The following PLG variants were observed in gnomAD, a reference collection of about 807,000 sequenced individuals.
PLG encodes the protein plasmin.
Under a neutral mutation model 104.4 loss-of-function variants are expected in PLG, and 41 were observed. The ratio of observed to expected loss-of-function variants is 0.39; its 90% CI spans 0.31 to 0.51. The LOEUF (loss-of-function observed/expected upper bound fraction) is 0.51, where lower values mean the gene tolerates loss of function less well. Among genes scored for constraint, PLG ranks in the 20% least tolerant of loss-of-function variants. The probability of loss-of-function intolerance (pLI) is 0.76; values close to 1 mark genes in which losing one functional copy is unlikely to be tolerated. For missense variants in PLG, 891 were observed against 1,003.6 expected, an observed-to-expected ratio of 0.89 and a Z score of 1.52; for synonymous variants, 337 against 357.1, an observed-to-expected ratio of 0.94 and a Z score of 0.63.
chr6:160,747,503 C>T (rs1465944433), intron 17 of PLG, among the ~76,000 whole-genome samples: 1 of 152,180 alleles, frequency 6.6e-6, no homozygotes, highest in East Asian at 1.9e-4. Flanking sequence ...CTAGATAGAC[C>T]TGGACTAGGC....
At chr6:160,706,213 C>G (rs1179245266) in intron 1 of PLG, 194 bp from the exon 2 acceptor site, 3 of 713,182 alleles carry the variant, frequency 4.2e-6, no homozygotes, top group African/African-American at 3.6e-5. Context: ...TAGTTGCCAT[C>G]TTTATTTATG....
rs1778167944 is a variant in PLG at position 160,740,286 on chromosome 6, T to C, written c.2019-1025T>C. 1.3e-5 allele frequency among the ~76,000 whole-genome samples: 2 copies of C among 152,190 alleles called. No individual in the cohort carries two copies. The highest frequency in any genetic ancestry group is 6.5e-5 in the Admixed American group (1 of 15,274). ...CTTTATAAACAGTAGCTGATCTCCC[T>C]CCTGCTCCCCAGTGTCCTCCCCGCC... On this transcript the variant is annotated intron_variant, in intron 16 of 18. Coordinates refer to ENST00000308192, the MANE Select transcript of PLG (RefSeq NM_000301.5). The surrounding 1 kb of genome is among the most constrained non-coding windows in gnomAD (Gnocchi z 5.2).
At chr6:160,721,552 A>C (rs943607329) in intron 9 of PLG, among the ~76,000 whole-genome samples, 4 of 152,166 alleles carry the variant, frequency 2.6e-5, no homozygotes, top group African/African-American at 9.7e-5. Context: ...CCGTGTTCCT[A>C]TCCATTCCCA....
In PLG at chr6:160,711,605, C is replaced by G. The variant is rs867590192; in HGVS notation, c.407+414C>G. 8 of 1,609,582 alleles carry G rather than the reference C, an allele frequency of 5.0e-6. No homozygotes were observed. The East Asian group carries it at 1.8e-4, about 36-fold the overall frequency. ...CAGATAGAAAGAATCTTTTTGATGT[C>G]GATGTTCAACTATTTTTGGCACCAT... is the stretch of plus-strand genomic sequence containing the variant. On this transcript the variant is annotated intron_variant, in intron 4 of 18. Transcript: ENST00000308192.
At chr6:160,721,532 A>G (rs1433772280) in intron 9 of PLG, among the ~76,000 whole-genome samples, 1 of 152,202 alleles carries the variant, frequency 6.6e-6, no homozygotes, top group Non-Finnish European at 1.5e-5. Flanking sequence ...GGGGTGCTAA[A>G]GAGTTTTCTC....
Position 160,741,892 on chromosome 6 carries a change from T to G in PLG, c.2125+475T>G, listed in dbSNP as rs1778202404. On this transcript the variant is annotated intron_variant, in intron 17 of 18. Coordinates refer to ENST00000308192, the MANE Select transcript of PLG (RefSeq NM_000301.5). The surrounding 1 kb of genome is among the most constrained non-coding windows in gnomAD (Gnocchi z 4.7). Reference sequence around the variant, plus strand: ...GAGTTCTCATCACTTAGCTCCCACTTATAACTGTGAACATGTGGTATTTGG... The same window carrying G: ...GAGTTCTCATCACTTAGCTCCCACTGATAACTGTGAACATGTGGTATTTGG... Among the ~76,000 whole-genome samples the G allele has an allele frequency of 6.6e-6, 1 of 152,172 alleles. No homozygotes were observed. Among genetic ancestry groups the G allele is most frequent in the Admixed American group, 6.5e-5 (1 of 15,284 alleles).
chr6:160,729,693 G>A (rs1777968707), intron 10 of PLG, among the ~76,000 whole-genome samples: 2 of 152,196 alleles, frequency 1.3e-5, no homozygotes, highest in Non-Finnish European at 2.9e-5. Context: ...AATCTTTAGT[G>A]AAGGAAACCA....
chr6:160,726,078 C>G lies in PLG; in HGVS notation c.1256+3511C>G, dbSNP rs1777915894. ...TAATAGAAAAAATACACAAAAAAAT[C>G]AGAAAGAATATATATGTTTTAAAGG... On this transcript the variant is annotated intron_variant, in intron 10 of 18. Transcript: ENST00000308192. The surrounding 1 kb of genome is among the most constrained non-coding windows in gnomAD (Gnocchi z 4.4). Among the ~76,000 whole-genome samples, 1 of 151,998 alleles carries G rather than the reference C, an allele frequency of 6.6e-6. No homozygotes were observed. Among genetic ancestry groups the G allele is most frequent in the Non-Finnish European group, 1.5e-5 (1 of 67,940 alleles).
At chr6:160,706,667 T>A in intron 2 of PLG, 125 bp downstream of exon 2, 4 of 958,802 alleles carry the variant, frequency 4.2e-6, no homozygotes, top group Non-Finnish European at 6.5e-6. Context: ...GGAACTATAT[T>A]TGCTCACAGT....
In PLG at chr6:160,741,533, C is replaced by G. The variant is rs1183813590; in HGVS notation, c.2125+116C>G. The G allele has an allele frequency of 1.3e-6, 1 of 767,388 alleles. No individual in the cohort carries two copies. The highest frequency in any genetic ancestry group is 2.7e-5 in the East Asian group (1 of 37,014). The allele number at this position is 767,388 out of a possible 1,614,324, so 47.5% of individuals were successfully genotyped here. A position where few individuals can be genotyped will look rare whatever the true frequency, so the allele number is the denominator to read the frequency against. On this transcript the variant is annotated intron_variant, in intron 17 of 18. Coordinates refer to ENST00000308192, the MANE Select transcript of PLG (RefSeq NM_000301.5). The surrounding 1 kb of genome is among the most constrained non-coding windows in gnomAD (Gnocchi z 4.7). ...TCCTATCCATGAATGTGGTCCACCC[C>G]ACTCCTGATTTTGCCTGGGCACCTG...
intron 17 of PLG, among the ~76,000 whole-genome samples, chr6:160,742,317 T>C (rs1778209304): frequency 6.6e-6 from 1 of 152,220 alleles, no homozygotes; most frequent in Non-Finnish European, 1.5e-5. Flanking sequence ...TGCCAGCATC[T>C]GTTATTTTTT....
intron 10 of PLG, among the ~76,000 whole-genome samples, chr6:160,722,857 C>T (rs969943321): frequency 1.3e-5 from 2 of 152,102 alleles, no homozygotes; most frequent in African/African-American, 4.8e-5. Context: ...TGCTTAGAAA[C>T]AGTACCATTC....
rs1056943393 is a variant in PLG, at chr6:160,725,552, G to A, written c.1256+2985G>A. Among the ~76,000 whole-genome samples, 3 of 151,846 alleles carry A rather than the reference G, an allele frequency of 2.0e-5. No individual in the cohort carries two copies. Among genetic ancestry groups the A allele is most frequent in the African/African-American group, 7.3e-5 (3 of 41,344 alleles). The stretch of plus-strand genomic sequence containing the variant: ...AAGAAAAAAGAATGAAGAAGATATG[G>A]CAAAGAGAGAAAATACACAGCATTA... On this transcript the variant is annotated intron_variant, in intron 10 of 18. Transcript: ENST00000308192. The surrounding 1 kb of genome is among the most constrained non-coding windows in gnomAD (Gnocchi z 6.3).
At chr6:160,707,169 G>C (rs1777542617) in intron 2 of PLG, among the ~76,000 whole-genome samples, 1 of 152,104 alleles carries the variant, frequency 6.6e-6, no homozygotes, top group South Asian at 2.1e-4. Flanking sequence ...GGACCATTAA[G>C]AGATGAAGTT....
intron 3 of PLG, among the ~76,000 whole-genome samples, chr6:160,710,795 A>G (rs747639712): frequency 2.0e-5 from 3 of 152,200 alleles, no homozygotes; most frequent in Admixed American, 6.5e-5. Context: ...ACTAGAATGT[A>G]AGCTCCATGA....
chr6:160,752,644 CACCAACA>C lies in PLG; in HGVS notation c.2272-255_2272-249del, dbSNP rs1327187571. Among the ~76,000 whole-genome samples the C allele has an allele frequency of 2.0e-5, 3 of 152,162 alleles. No homozygotes were observed. Among genetic ancestry groups the C allele is most frequent in the Non-Finnish European group, 4.4e-5 (3 of 68,026 alleles). On this transcript the variant is annotated intron_variant, in intron 18 of 18. Coordinates refer to ENST00000308192, the MANE Select transcript of PLG (RefSeq NM_000301.5). The surrounding 1 kb of genome is among the most constrained non-coding windows in gnomAD (Gnocchi z 4.7). The stretch of plus-strand genomic sequence containing the variant: ...CCAGGCTAGCCCAGTCTAAAGGAAA[CACCAACA>C]TAGGAAGGGATGTGTGCAGGATTCA...
chr6:160,720,773 C>A (rs1777817038), intron 9 of PLG, among the ~76,000 whole-genome samples: 1 of 152,104 alleles, frequency 6.6e-6, no homozygotes, highest in East Asian at 1.9e-4. Context: ...TCTGTTCAAA[C>A]GTTTCTTTTT....
intron 3 of PLG, among the ~76,000 whole-genome samples, chr6:160,709,154 C>T (rs1777588167): frequency 6.6e-6 from 1 of 152,060 alleles, no homozygotes; most frequent in African/African-American, 2.4e-5. Flanking sequence ...GTTATATAAA[C>T]TCTGATGGGT....
rs9458020 is a variant in PLG, at chr6:160,735,264, C to T, written c.1681+1176C>T. 0.21 allele frequency among the ~76,000 whole-genome samples: 32,056 copies of T among 152,042 alleles called. 3,992 individuals carry two copies. Among genetic ancestry groups the T allele is most frequent in the Non-Finnish European group, 0.29 (19,742 of 67,958 alleles). On this transcript the variant is annotated intron_variant, in intron 13 of 18. Transcript: ENST00000308192. This position sits in a 1 kb window ranked among gnomAD's most constrained non-coding sequence, Gnocchi z 5.4. ...GTACACACCACTGCCTCTCACTGCC[C>T]GGGCTCTCTATCCTTGACAGGCTGC...
Sources: gnomAD v4.1 joint callset for allele counts (sites outside exome capture counted in the v4.1 genomes callset) on GRCh38, gnomAD v4.1.1 for gene constraint, Gnocchi (gnomAD v3.1) non-coding constraint, MANE v1.5 for transcripts, NCBI Gene and HGNC (gene_info 2026-07-23, HGNC 2026-07-21) for gene names.